FRMPD4: variants seen among roughly 807,000 people sequenced by gnomAD.
The protein encoded by FRMPD4 is FERM and PDZ domain-containing protein 4.
Under a neutral mutation model 94.1 loss-of-function variants are expected in FRMPD4, and 22 were observed. The ratio of observed to expected loss-of-function variants is 0.23; its 90% CI spans 0.17 to 0.33. The LOEUF is 0.33. FRMPD4 is among the 10% of genes least tolerant of loss of function. The pLI is 1.00. For missense variants in FRMPD4, 1,111 were observed against 1,339.9 expected (o/e 0.83, Z 2.67); for synonymous variants, 631 against 548.6 (o/e 1.15, Z -2.10).
intron 1 of FRMPD4, among the ~76,000 whole-genome samples, chrX:12,177,825 G>A (rs1437361661): frequency 8.9e-6 from 1 of 112,126 alleles, no homozygotes; most frequent in Non-Finnish European, 1.9e-5. Context: ...GATGCTTAGA[G>A]TGGCTTAGGT....
intron 3 of FRMPD4, among the ~76,000 whole-genome samples, chrX:12,094,186 A>C (rs1164198870): frequency 8.9e-6 from 1 of 111,885 alleles, no homozygotes; most frequent in Non-Finnish European, 1.9e-5. Flanking sequence ...ACAATTTAAT[A>C]AACATAACAA....
At chrX:12,280,816 G>GC (rs1380670044) in intron 1 of FRMPD4, among the ~76,000 whole-genome samples, 1 of 111,440 alleles carries the variant, frequency 9.0e-6, no homozygotes, top group Non-Finnish European at 1.9e-5. Flanking sequence ...TTATAGGGCT[G>GC]CTGATACCAC....
intron 2 of FRMPD4, among the ~76,000 whole-genome samples, chrX:12,508,722 G>A (rs1012861994): frequency 9.0e-6 from 1 of 111,015 alleles, no homozygotes; most frequent in African/African-American, 3.3e-5. Flanking sequence ...AGCCAGGTGT[G>A]GTGGCTCACG....
Position 12,138,969 on chromosome X carries a change from T to G in FRMPD4, c.-3T>G. On this transcript the variant is annotated 5_prime_UTR_variant, in exon 1 of 17. Transcript: ENST00000675598. Reference sequence around the variant, plus strand: ...TCGCGCTCGGGGGTCCCCAGCTGCCTGCATGGATGTCTTCAGCTTTGTGAA... The same window carrying G: ...TCGCGCTCGGGGGTCCCCAGCTGCCGGCATGGATGTCTTCAGCTTTGTGAA... The G allele has an allele frequency of 8.6e-7, 1 of 1,160,569 alleles. No individual in the cohort carries two copies. The highest frequency in any genetic ancestry group is 1.2e-6 in the Non-Finnish European group (1 of 869,353).
At chrX:11,959,059 C>T (rs768770394) in intron 3 of FRMPD4, among the ~76,000 whole-genome samples, 5 of 112,440 alleles carry the variant, frequency 4.4e-5, no homozygotes, top group Middle Eastern at 4.6e-3. Context: ...AAAGAAAGTC[C>T]AAACTATTTA....
At chrX:11,922,756 G>T (rs2054065131) in intron 3 of FRMPD4, among the ~76,000 whole-genome samples, 1 of 112,711 alleles carries the variant, frequency 8.9e-6, no homozygotes, top group African/African-American at 3.2e-5. Context: ...AGAGGGTTCG[G>T]TGTGGGAGCA....
chrX:12,499,263 T>A (rs1463675230), intron 2 of FRMPD4, among the ~76,000 whole-genome samples: 1 of 112,463 alleles, frequency 8.9e-6, no homozygotes, highest in Non-Finnish European at 1.9e-5. Context: ...TTATTTGTTT[T>A]ATTGTAAATT....
chrX:12,207,838 G>A (rs1192213367), intron 1 of FRMPD4, among the ~76,000 whole-genome samples: 3 of 111,480 alleles, frequency 2.7e-5, no homozygotes, highest in Non-Finnish European at 3.8e-5. Context: ...ATGATTTCAA[G>A]GAACACAAAA....
intron 3 of FRMPD4, among the ~76,000 whole-genome samples, chrX:12,052,382 T>C (rs1192085928): frequency 2.7e-5 from 3 of 111,834 alleles, no homozygotes; most frequent in Non-Finnish European, 5.7e-5. Flanking sequence ...ATTTATGGGG[T>C]TGTAGTTTTG....
intron 2 of FRMPD4, among the ~76,000 whole-genome samples, chrX:12,585,908 A>G (rs1006168772): frequency 2.2e-4 from 25 of 112,793 alleles, no homozygotes; most frequent in African/African-American, 8.1e-4. Flanking sequence ...AAAATTGGGA[A>G]TAATATATCT....
chrX:12,084,435 T>C (rs1358800750), intron 3 of FRMPD4, among the ~76,000 whole-genome samples: 1 of 110,288 alleles, frequency 9.1e-6, no homozygotes, highest in South Asian at 3.9e-4. Flanking sequence ...GTCAGCAATG[T>C]GAAAAAAAAA....
At chrX:12,378,359 T>A (rs2056270699) in intron 1 of FRMPD4, among the ~76,000 whole-genome samples, 1 of 112,579 alleles carries the variant, frequency 8.9e-6, no homozygotes, top group African/African-American at 3.2e-5. Context: ...CAATTAGTTT[T>A]AACGGGAGCG....
At chrX:12,052,238 G>A (rs1371193152) in intron 3 of FRMPD4, among the ~76,000 whole-genome samples, 1 of 111,672 alleles carries the variant, frequency 9.0e-6, no homozygotes, top group Non-Finnish European at 1.9e-5. Context: ...AGAGTCAAAT[G>A]AGCTCTTTGT....
intron 1 of FRMPD4, among the ~76,000 whole-genome samples, chrX:12,177,434 A>G (rs1204304429): frequency 8.9e-6 from 1 of 112,714 alleles, no homozygotes; most frequent in Non-Finnish European, 1.9e-5. Context: ...ATGCAAGGAA[A>G]AAAATAAGAC....
At chrX:11,863,158 C>T (rs111509104) in intron 1 of FRMPD4, among the ~76,000 whole-genome samples, 13,903 of 108,113 alleles carry the variant, frequency 0.13, 1,140 homozygotes, top group African/African-American at 0.28. Flanking sequence ...TCTCCTAATG[C>T]TATCCCTCCC....
chrX:12,693,531 TATC>T (rs2060098103), intron 8 of FRMPD4, among the ~76,000 whole-genome samples: 1 of 111,889 alleles, frequency 8.9e-6, no homozygotes, highest in Non-Finnish European at 1.9e-5. Flanking sequence ...AGTGGAACAA[TATC>T]ATCATGATAT....
At chrX:12,522,892 C>G (rs186100956) in intron 2 of FRMPD4, among the ~76,000 whole-genome samples, 10 of 111,798 alleles carry the variant, frequency 8.9e-5, no homozygotes, top group Non-Finnish European at 1.7e-4. Context: ...CGTGAGCCAC[C>G]GCGCCCAGCT....
At chrX:12,473,645 A>G (rs1422081378) in intron 1 of FRMPD4, among the ~76,000 whole-genome samples, 1 of 109,800 alleles carries the variant, frequency 9.1e-6, no homozygotes, top group African/African-American at 3.5e-5. Flanking sequence ...GGAAAACAAA[A>G]AAAGGCAGGG....
intron 1 of FRMPD4, among the ~76,000 whole-genome samples, chrX:12,231,649 G>T (rs1230032019): frequency 9.0e-6 from 1 of 111,640 alleles, no homozygotes; most frequent in Non-Finnish European, 1.9e-5. Flanking sequence ...AGATTTGCTG[G>T]ATAAGAACTT....
Sources: allele counts gnomAD v4.1 joint callset (sites outside exome capture counted in the v4.1 genomes callset), GRCh38; gene constraint gnomAD v4.1.1; transcripts MANE v1.5; gene names NCBI Gene and HGNC (gene_info 2026-07-23, HGNC 2026-07-21).